PTPRB: variants seen among roughly 807,000 people sequenced by gnomAD.
PTPRB encodes protein tyrosine phosphatase receptor type B.
PTPRB carries 97 observed loss-of-function variants against 238.1 expected under a neutral mutation model. That is an observed-to-expected ratio of 0.41 (90% CI 0.35 to 0.48). The LOEUF is 0.48. Ranked by LOEUF, PTPRB falls within the 20% of genes least tolerant of loss-of-function variation. The pLI, the probability that PTPRB is intolerant of heterozygous loss-of-function variation, is 0.30. For missense variants in PTPRB, 2,292 were observed against 2,681.9 expected (o/e 0.85, Z 3.21); for synonymous variants, 970 against 995.4 (o/e 0.97, Z 0.48).
chr12:70,605,440 T>C (rs1435381928), intron 4 of PTPRB, among the ~76,000 whole-genome samples: 1 of 152,220 alleles, frequency 6.6e-6, no homozygotes, highest in Non-Finnish European at 1.5e-5. Flanking sequence ...ATTTAATCAG[T>C]ATTTACGGAA....
chr12:70,535,224 GTT>G (rs71457059), intron 29 of PTPRB, among the ~76,000 whole-genome samples: 52,723 of 81,858 alleles, frequency 0.64, 16,384 homozygotes, highest in Middle Eastern at 0.75. Flanking sequence ...TATGGCTTGA[GTT>G]TTTTTTTTTT....
intron 32 of PTPRB, among the ~76,000 whole-genome samples, chr12:70,524,905 G>A (rs200729071): frequency 1.4e-5 from 2 of 141,262 alleles, no homozygotes; most frequent in Non-Finnish European, 3.2e-5. Flanking sequence ...GTATATATGT[G>A]TATATATGTA....
chr12:70,618,385 T>C (rs115070423), intron 3 of PTPRB, among the ~76,000 whole-genome samples: 6,903 of 152,288 alleles, frequency 0.045, 187 homozygotes, highest in African/African-American at 0.062. Flanking sequence ...GCTGGGATTA[T>C]AGGTGTAAAC....
chr12:70,538,346 A>G (rs903512416), intron 27 of PTPRB, 115 bp from the exon 28 acceptor site: 11 of 836,898 alleles, frequency 1.3e-5, no homozygotes, highest in African/African-American at 1.2e-4. Context: ...AAGTGATCTT[A>G]TCTCCATTTT....
chr12:70,592,198 C>T, intron 7 of PTPRB, 84 bp downstream of exon 7: 1 of 1,572,998 alleles, frequency 6.4e-7, no homozygotes, highest in Non-Finnish European at 8.7e-7. Context: ...AAGGAGTTTT[C>T]CTGCTGACTT....
At chr12:70,529,970 G>A (rs927539149) in intron 32 of PTPRB, among the ~76,000 whole-genome samples, 1 of 139,094 alleles carries the variant, frequency 7.2e-6, no homozygotes, top group African/African-American at 2.5e-5. Flanking sequence ...AATCCATGGG[G>A]AGTAGAGGAA....
chr12:70,563,001 C>A lies in PTPRB; in HGVS notation c.4011G>T (p.Leu1337Phe). Residue 1337 changes from leucine to phenylalanine, a missense_variant, in exon 16 of 34, where the codon TTG (leucine) becomes TTT (phenylalanine). Transcript: ENST00000334414. ...EGELSWYNIF[L>F]YNPDGNLQER... ...CCTGGAGATTCCCATCTGGGTTGTA[C>A]AAAAAGATGTTGTACCAGCTGAGCT... 6.2e-7 allele frequency: 1 copy of A among 1,613,928 alleles called. No homozygotes were observed. The highest frequency in any genetic ancestry group is 8.5e-7 in the Non-Finnish European group (1 of 1,179,880).
chr12:70,540,467 CA>C, intron 23 of PTPRB: 1 of 202,864 alleles, frequency 4.9e-6, no homozygotes, highest in East Asian at 1.2e-4. Flanking sequence ...ATATGAACTA[CA>C]AAATGGTGAT....
intron 19 of PTPRB, 32 bp downstream of exon 19, chr12:70,555,838 G>A (rs1877578544): frequency 1.9e-6 from 3 of 1,605,696 alleles, no homozygotes; most frequent in Admixed American, 1.7e-5. Flanking sequence ...CCAGTGACAG[G>A]AGGCTCTGTG....
chr12:70,596,047 A>T lies in PTPRB; in HGVS notation c.1258+2T>A. On this transcript the variant is annotated splice_donor_variant, in intron 5 of 33. Coordinates refer to ENST00000334414, the MANE Select transcript of PTPRB (RefSeq NM_001109754.4). LOFTEE classifies it high-confidence loss of function. ...CTCAGCTATAAAATAAACAGGTCTTACCTGTTGATCCATTGGTATAAACTG... is the reference window on the plus strand; with the variant it reads ...CTCAGCTATAAAATAAACAGGTCTTTCCTGTTGATCCATTGGTATAAACTG... The T allele has an allele frequency of 1.3e-6, 2 of 1,591,194 alleles. No homozygotes were observed. Among genetic ancestry groups the T allele is most frequent in the Non-Finnish European group, 1.7e-6 (2 of 1,165,460 alleles).
intron 18 of PTPRB, among the ~76,000 whole-genome samples, chr12:70,557,652 A>G (rs759493466): frequency 2.0e-5 from 3 of 152,186 alleles, no homozygotes; most frequent in African/African-American, 7.2e-5. Context: ...TGCATAGTCT[A>G]TCAACCCCCA....
chr12:70,616,405 A>G (rs2136564200), intron 3 of PTPRB, among the ~76,000 whole-genome samples: 1 of 152,328 alleles, frequency 6.6e-6, no homozygotes, highest in African/African-American at 2.4e-5. Flanking sequence ...TATCCCCAAC[A>G]ACACTTCCTC....
intron 22 of PTPRB, chr12:70,542,864 G>A (rs558995383): frequency 4.0e-5 from 6 of 149,842 alleles, no homozygotes; most frequent in African/African-American, 1.5e-4. Context: ...TCCAGCCTGG[G>A]CGACAGAGCG....
chr12:70,579,266 TA>T (rs1441041198), intron 10 of PTPRB, among the ~76,000 whole-genome samples: 4 of 152,168 alleles, frequency 2.6e-5, no homozygotes, highest in African/African-American at 7.2e-5. Context: ...GGAAATAAGT[TA>T]ATGGCAGAGC....
chr12:70,610,393 C>A (rs1431011372), intron 3 of PTPRB, among the ~76,000 whole-genome samples: 1 of 150,872 alleles, frequency 6.6e-6, no homozygotes, highest in Non-Finnish European at 1.5e-5. Flanking sequence ...GCCCCCACCC[C>A]CGCCCCTTTC....
chr12:70,531,919 T>A lies in PTPRB; in HGVS notation c.6504+116A>T, dbSNP rs114568483. ...AAATATCTACATGCAGTTCTTTTTT[T>A]CTCTTCCTAATGTGTCATAGTTATT... On this transcript the variant is annotated intron_variant, in intron 32 of 33. Transcript: ENST00000334414. 1,047 of 1,209,282 alleles carry A rather than the reference T, an allele frequency of 8.7e-4. 16 individuals carry two copies. In the African/African-American group the frequency reaches 0.014, roughly 17 times the overall value. The allele number at this position is 1,209,282 out of a possible 1,614,324, so 74.9% of individuals were successfully genotyped here. A position where few individuals can be genotyped will look rare whatever the true frequency, so the allele number is the denominator to read the frequency against.
chr12:70,562,923 T>G lies in PTPRB; in HGVS notation c.4089A>C (p.Leu1363=). 1 of 1,614,018 alleles carries G rather than the reference T, an allele frequency of 6.2e-7. No homozygotes were observed. Residue 1363 remains leucine, a synonymous_variant, in exon 16 of 34, where the codon CTA becomes CTC. Transcript: ENST00000334414. ...TCACCATCTTGTACATTCTGCCTTG[T>G]AGCAAGTTCTGGAAAGAGAAGCTCT... The part of the protein sequence containing the change: ...LVQSFSFQNL[L]QGRMYKMVIV...
intron 4 of PTPRB, among the ~76,000 whole-genome samples, chr12:70,605,580 T>C (rs1883881160): frequency 6.6e-6 from 1 of 152,248 alleles, no homozygotes; most frequent in South Asian, 2.1e-4. Flanking sequence ...GTCTTTAGAA[T>C]GCATTCAGGT....
chr12:70,622,748 G>A, intron 2 of PTPRB, 102 bp from the exon 3 acceptor site: 1 of 1,319,716 alleles, frequency 7.6e-7, no homozygotes, highest in Non-Finnish European at 1.0e-6. Context: ...TTCAATAATG[G>A]GCATGTGGAT....
Sources: gnomAD v4.1 joint callset for allele counts (sites outside exome capture counted in the v4.1 genomes callset) on GRCh38, gnomAD v4.1.1 for gene constraint, MANE v1.5 for transcripts, NCBI Gene and HGNC (gene_info 2026-07-23, HGNC 2026-07-21) for gene names.